The following UCP2 variants were observed in gnomAD, a reference collection of about 807,000 sequenced individuals.
UCP2 encodes the protein dicarboxylate carrier SLC25A8.
A neutral mutation model predicts 31.3 loss-of-function variants in UCP2; 27 were observed. That is an observed-to-expected ratio of 0.86 (90% CI 0.64 to 1.19). The LOEUF (loss-of-function observed/expected upper bound fraction) is 1.19. Ranked by LOEUF, UCP2 falls within the 50% of genes most tolerant of loss-of-function variation. The pLI is 0.00. For synonymous variants in UCP2, 142 were observed against 157.4 expected (o/e 0.90, Z 0.73); for missense variants, 377 against 413.5 (o/e 0.91, Z 0.76).
intron 4 of UCP2, 25 bp downstream of exon 4, chr11:73,977,861 G>A (rs773375136): frequency 6.2e-7 from 1 of 1,613,534 alleles, no homozygotes; most frequent in African/African-American, 1.3e-5. Context: ...GGGCCAAGGG[G>A]CCTACACCCT....
intron 2 of UCP2, among the ~76,000 whole-genome samples, chr11:73,979,276 G>C (rs1174359168): frequency 1.3e-5 from 2 of 152,182 alleles, no homozygotes; most frequent in Non-Finnish European, 2.9e-5. Flanking sequence ...GCTGGGTGTG[G>C]TGGCTCACGC....
Position 73,974,784 on chromosome 11 carries a change from T to TACGA in UCP2, c.*219_*222dup, listed in dbSNP as rs1043315603. The TACGA allele has an allele frequency of 1.3e-4, 46 of 353,460 alleles. No individual in the cohort carries two copies. The highest frequency in any genetic ancestry group is 2.2e-4 in the Non-Finnish European group (41 of 188,320). The allele number at this position is 353,460 out of a possible 1,614,324, so 21.9% of individuals were successfully genotyped here. A position where few individuals can be genotyped will look rare whatever the true frequency, so the allele number is the denominator to read the frequency against. The stretch of plus-strand genomic sequence containing the variant: ...ACGGGACGCTTGGGATCCTGGCTGG[T>TACGA]ACGAGGCCTCCCACACTGTCAAATG... On this transcript the variant is annotated 3_prime_UTR_variant, in exon 8 of 8. Coordinates refer to ENST00000663595, the MANE Select transcript of UCP2 (RefSeq NM_003355.3).
chr11:73,975,248 C>G, intron 7 of UCP2, 127 bp from the exon 8 acceptor site: 1 of 986,860 alleles, frequency 1.0e-6, no homozygotes, highest in Non-Finnish European at 1.6e-6. Context: ...GAACTGAGCT[C>G]ACAGCTGCTT....
At chr11:73,980,510 G>A (rs1051975219) in intron 2 of UCP2, among the ~76,000 whole-genome samples, 8 of 152,064 alleles carry the variant, frequency 5.3e-5, no homozygotes, top group African/African-American at 1.2e-4. Context: ...AGGTGCCCTC[G>A]GACTCCCCAG....
upstream of UCP2, chr11:73,983,101 C>CT (rs1951488855): frequency 6.6e-6 from 1 of 152,480 alleles, no homozygotes; most frequent in Non-Finnish European, 1.5e-5. Context: ...CTGCCTCACA[C>CT]TCTCTCGGGC....
At chr11:73,976,500 G>A (rs753617196) in intron 6 of UCP2, 141 bp downstream of exon 6, 4 of 726,198 alleles carry the variant, frequency 5.5e-6, no homozygotes, top group Non-Finnish European at 9.5e-6. Flanking sequence ...GCTTCAATAT[G>A]GCAAGTAAGA....
In UCP2 at chr11:73,975,511, C is replaced by T; in HGVS notation, c.795G>A (p.Gly265=). Residue 265 remains glycine, a synonymous_variant, in exon 7 of 8, where the codon GGG becomes GGA. Coordinates refer to ENST00000663595, the MANE Select transcript of UCP2 (RefSeq NM_003355.3). ...HCALTMLQKE[G]PRAFYKGFMP... is the part of the protein sequence containing the mutation. ...CTCACCCTTTGTAGAAGGCTCGGGG[C>T]CCCTCCTTCTGGAGCATGGTAAGGG... 1 of 1,611,234 alleles carries T rather than the reference C, an allele frequency of 6.2e-7. No homozygotes were observed. The highest frequency in any genetic ancestry group is 1.1e-5 in the South Asian group (1 of 90,972).
In UCP2 at chr11:73,978,445, C is replaced by T. The variant is rs1307346912; in HGVS notation, c.-67G>A. 17 of 1,605,282 alleles carry T rather than the reference C, an allele frequency of 1.1e-5. No homozygotes were observed. Among genetic ancestry groups the T allele is most frequent in the East Asian group, 8.9e-5 (4 of 44,750 alleles). On this transcript the variant is annotated 5_prime_UTR_variant, in exon 3 of 8. Transcript: ENST00000663595. ...TGGAGACAGGGGCACCTTTAATCAGCAACAAGACGAGATAGAGGAACTCTG... is the reference window on the plus strand; with the variant it reads ...TGGAGACAGGGGCACCTTTAATCAGTAACAAGACGAGATAGAGGAACTCTG...
chr11:73,978,457 A>C lies in UCP2; in HGVS notation c.-79T>G. The C allele has an allele frequency of 6.3e-7, 1 of 1,594,178 alleles. No individual in the cohort carries two copies. The highest frequency in any genetic ancestry group is 8.6e-7 in the Non-Finnish European group (1 of 1,168,620). On this transcript the variant is annotated 5_prime_UTR_variant, in exon 3 of 8. Coordinates refer to ENST00000663595, the MANE Select transcript of UCP2 (RefSeq NM_003355.3). ...CACCTTTAATCAGCAACAAGACGAG[A>C]TAGAGGAACTCTGCCGGAATCTAAG...
At position 73,975,081 on chromosome 11, in the gene UCP2, C is replaced by T; in HGVS notation, c.856G>A (p.Val286Met). Residue 286 changes from valine (V) to methionine (M), a missense_variant, in exon 8 of 8, where the codon GTG becomes ATG. Physicochemically the swap from Val to Met is conservative, Grantham distance 21. Transcript: ENST00000663595. Reference protein sequence around the residue: ...SFLRLGSWNVVMFVTYEQLKR... With the variant: ...SFLRLGSWNVMMFVTYEQLKR... ...AGCTGCTCATAGGTGACGAACATCA[C>T]CACGTTCCAGGAACCCAAGCGGAGA... The T allele has an allele frequency of 6.2e-7, 1 of 1,613,802 alleles. No homozygotes were observed. Among genetic ancestry groups the T allele is most frequent in the Non-Finnish European group, 8.5e-7 (1 of 1,179,892 alleles).
chr11:73,981,477 C>A lies in UCP2; in HGVS notation c.-101G>T, dbSNP rs941537305. On this transcript the variant is annotated splice_region_variant and 5_prime_UTR_variant, in exon 2 of 8. Coordinates refer to ENST00000663595, the MANE Select transcript of UCP2 (RefSeq NM_003355.3). ...CTCTTCCTTGGACTGGACTCTTACC[C>A]GGCTTTGTAAGGTCTCACGGTGAGG... 6.6e-6 allele frequency: 1 copy of A among 152,182 alleles called. No individual in the cohort carries two copies. Among genetic ancestry groups the A allele is most frequent in the Non-Finnish European group, 1.5e-5 (1 of 68,046 alleles). The allele number at this position is 152,182 out of a possible 1,614,324, so 9.4% of individuals were successfully genotyped here.
chr11:73,975,916 A>T (rs890896338), intron 6 of UCP2, among the ~76,000 whole-genome samples: 1 of 152,088 alleles, frequency 6.6e-6, no homozygotes, highest in Admixed American at 6.5e-5. Flanking sequence ...TACAAAAATT[A>T]GCCAGGCACA....
chr11:73,974,897 G>T lies in UCP2; in HGVS notation c.*110C>A, dbSNP rs1951313302. 3.2e-6 allele frequency: 3 copies of T among 940,768 alleles called. No individual in the cohort carries two copies. Among genetic ancestry groups the T allele is most frequent in the Non-Finnish European group, 5.1e-6 (3 of 592,574 alleles). 58.3% of individuals were successfully genotyped at this position (940,768 alleles called of 1,614,324 possible). On this transcript the variant is annotated 3_prime_UTR_variant, in exon 8 of 8. Coordinates refer to ENST00000663595, the MANE Select transcript of UCP2 (RefSeq NM_003355.3). The stretch of plus-strand genomic sequence containing the variant: ...TAAAGGAGCGGAAGGAAGAGGTGGG[G>T]AAAGAGGGAAGGAGAGAAGGGAAGG...
chr11:73,979,470 C>A (rs568898367), intron 2 of UCP2, among the ~76,000 whole-genome samples: 1 of 152,260 alleles, frequency 6.6e-6, no homozygotes, highest in Non-Finnish European at 1.5e-5. Flanking sequence ...TCACTTGAAC[C>A]CAGGAGGTGG....
rs1209146200 is a variant in UCP2 at position 73,976,685 on chromosome 11, T to C, written c.590A>G (p.Tyr197Cys). The change falls in exon 6 of 8, where the codon TAT (tyrosine) becomes TGT (cysteine). Residue 197 changes from tyrosine to cysteine, a missense_variant. Physicochemically the swap from Tyr to Cys is radical, Grantham distance 194. Coordinates refer to ENST00000663595, the MANE Select transcript of UCP2 (RefSeq NM_003355.3). ...AIVNCAELVT[Y>C]DLIKDALLKA... ...CAGGAGGGCATCCTTGATGAGGTCA[T>C]AGGTCACCAGCTCAGCACAGTTGAC... 4 of 1,614,114 alleles carry C rather than the reference T, an allele frequency of 2.5e-6. No homozygotes were observed. The highest frequency in any genetic ancestry group is 1.7e-5 in the Admixed American group (1 of 60,028).
intron 1 of UCP2, among the ~76,000 whole-genome samples, chr11:73,982,146 T>C (rs1239942758): frequency 6.6e-6 from 1 of 151,930 alleles, no homozygotes; most frequent in Non-Finnish European, 1.5e-5. Context: ...TCGCTGATGG[T>C]CCCCATCCAA....
intron 2 of UCP2, chr11:73,978,869 A>C (rs1349152173): frequency 7.2e-6 from 2 of 277,066 alleles, no homozygotes; most frequent in African/African-American, 2.2e-5. Context: ...ACCCAGACTA[A>C]GACCCAACAG....
At position 73,978,054 on chromosome 11, in the gene UCP2, C is replaced by T. The variant is rs145662569; in HGVS notation, c.169G>A (p.Ala57Thr). ...SQGPVRATAS[A>T]QYRGVMGTIL... ...GTGCCCATCACACCGCGGTACTGGGCGCTGGCTGTAGCGCGCACTGGCCCC... is the reference window on the plus strand; with the variant it reads ...GTGCCCATCACACCGCGGTACTGGGTGCTGGCTGTAGCGCGCACTGGCCCC... Residue 57 changes from alanine (A) to threonine (T), a missense_variant, in exon 4 of 8, where the codon GCC becomes ACC. Coordinates refer to ENST00000663595, the MANE Select transcript of UCP2 (RefSeq NM_003355.3). 3.3e-4 allele frequency: 533 copies of T among 1,614,136 alleles called. No individual in the cohort carries two copies. The African/African-American group carries it at 3.8e-3, about 12-fold the overall frequency.
At chr11:73,980,964 T>G (rs528885235) in intron 2 of UCP2, 6 of 152,168 alleles carry the variant, frequency 3.9e-5, no homozygotes, top group Non-Finnish European at 7.4e-5. Flanking sequence ...GAGGTTCAGC[T>G]GCCATATTCT....
Sources: gnomAD v4.1 joint callset for allele counts (sites outside exome capture counted in the v4.1 genomes callset) on GRCh38, gnomAD v4.1.1 for gene constraint, MANE v1.5 for transcripts, NCBI Gene and HGNC (gene_info 2026-07-23, HGNC 2026-07-21) for gene names.